GPC5: variants seen among roughly 807,000 people sequenced by gnomAD.
GPC5 encodes glypican-5.
In GPC5, 47 loss-of-function variants were observed where a neutral mutation model predicts 53.9. The ratio of observed to expected loss-of-function variants is 0.87; its 90% CI spans 0.69 to 1.11. The LOEUF (loss-of-function observed/expected upper bound fraction) is 1.11, where lower values mean the gene tolerates loss of function less well. Among genes scored for constraint, GPC5 ranks in the 50% most tolerant of loss-of-function variants. The pLI, the probability that GPC5 is intolerant of heterozygous loss-of-function variation, is 0.00. For synonymous variants in GPC5, 286 were observed against 263.3 expected (o/e 1.09, Z -0.84); for missense variants, 748 against 713.1 (o/e 1.05, Z -0.56).
At chr13:91,733,843 G>A (rs558963223) in intron 4 of GPC5, among the ~76,000 whole-genome samples, 8 of 152,152 alleles carry the variant, frequency 5.3e-5, no homozygotes, top group Admixed American at 1.3e-4. Context: ...TGATTGCCCC[G>A]GCCAGAACTT....
chr13:92,178,562 C>T (rs981602523), intron 7 of GPC5, among the ~76,000 whole-genome samples: 1 of 151,642 alleles, frequency 6.6e-6, no homozygotes. Flanking sequence ...ATGCCAGCTC[C>T]TTAAAATGTG....
intron 7 of GPC5, among the ~76,000 whole-genome samples, chr13:92,389,582 T>C (rs935148430): frequency 4.6e-5 from 7 of 152,174 alleles, no homozygotes; most frequent in African/African-American, 1.7e-4. Context: ...ACAGAAAATG[T>C]GTACCAAAAA....
At chr13:92,573,803 A>G (rs1883108399) in intron 7 of GPC5, among the ~76,000 whole-genome samples, 1 of 152,152 alleles carries the variant, frequency 6.6e-6, no homozygotes, top group Non-Finnish European at 1.5e-5. Flanking sequence ...CCCAATGTGG[A>G]CACTGCATAT....
At chr13:91,595,470 C>A (rs1393684864) in intron 2 of GPC5, among the ~76,000 whole-genome samples, 2 of 151,868 alleles carry the variant, frequency 1.3e-5, no homozygotes, top group African/African-American at 4.8e-5. Context: ...TGCTTTTGTT[C>A]TTTAACTTGT....
chr13:92,489,531 G>A (rs1006154065), intron 7 of GPC5, among the ~76,000 whole-genome samples: 1 of 152,104 alleles, frequency 6.6e-6, no homozygotes, highest in Non-Finnish European at 1.5e-5. Flanking sequence ...TATGGACAGG[G>A]TTACTCGAAA....
At chr13:92,522,097 T>C (rs918873771) in intron 7 of GPC5, among the ~76,000 whole-genome samples, 1 of 152,156 alleles carries the variant, frequency 6.6e-6, no homozygotes, top group African/African-American at 2.4e-5. Context: ...AGAATGGCGA[T>C]CGTTAAAAAG....
intron 7 of GPC5, among the ~76,000 whole-genome samples, chr13:92,798,178 G>A (rs1483726724): frequency 6.6e-6 from 1 of 151,852 alleles, no homozygotes; most frequent in Non-Finnish European, 1.5e-5. Flanking sequence ...TGAGCATCAT[G>A]AGGCCGAAGC....
At chr13:91,847,935 A>G (rs2138884976) in intron 5 of GPC5, among the ~76,000 whole-genome samples, 1 of 152,332 alleles carries the variant, frequency 6.6e-6, no homozygotes, top group African/African-American at 2.4e-5. Flanking sequence ...TGTACTCTCC[A>G]TCACTTTGGA....
chr13:91,899,115 C>T (rs550486095), intron 5 of GPC5, among the ~76,000 whole-genome samples: 36 of 152,142 alleles, frequency 2.4e-4, no homozygotes, highest in Admixed American at 6.5e-4. Context: ...ATAAACTAGC[C>T]CTTCATTGCT....
chr13:91,574,982 G>A (rs2032079824), intron 2 of GPC5, among the ~76,000 whole-genome samples: 1 of 152,170 alleles, frequency 6.6e-6, no homozygotes, highest in Admixed American at 6.5e-5. Context: ...GCCATGGAAT[G>A]TTTTGTAAGA....
intron 7 of GPC5, among the ~76,000 whole-genome samples, chr13:92,358,259 A>T (rs1236950178): frequency 2.0e-5 from 3 of 151,776 alleles, no homozygotes; most frequent in Admixed American, 6.5e-5. Flanking sequence ...CATGTCTCAC[A>T]TCTAGTCCAC....
chr13:92,441,526 T>C (rs1465832638), intron 7 of GPC5, among the ~76,000 whole-genome samples: 1 of 152,170 alleles, frequency 6.6e-6, no homozygotes, highest in Non-Finnish European at 1.5e-5. Flanking sequence ...TTAGTAACAT[T>C]TCTATACACT....
At chr13:91,969,818 C>T (rs914682630) in intron 6 of GPC5, among the ~76,000 whole-genome samples, 3 of 152,070 alleles carry the variant, frequency 2.0e-5, no homozygotes, top group Non-Finnish European at 4.4e-5. Context: ...AATTATATAT[C>T]GCCACATTGG....
intron 7 of GPC5, among the ~76,000 whole-genome samples, chr13:92,369,055 C>T (rs2043629507): frequency 6.6e-6 from 1 of 152,194 alleles, no homozygotes; most frequent in Non-Finnish European, 1.5e-5. Flanking sequence ...GAAATTCGTT[C>T]ACAATAACAA....
Position 91,838,077 on chromosome 13 carries a change from A to G in GPC5, c.1281-69860A>G, listed in dbSNP as rs547969170. On this transcript the variant is annotated intron_variant, in intron 5 of 7. Coordinates refer to ENST00000377067, the MANE Select transcript of GPC5 (RefSeq NM_004466.6). ...GGAGCAGAGAGCCCAATCATCAGGC[A>G]TATTTAAGAGTTGATTGTTGTTTCC... is the stretch of plus-strand genomic sequence containing the variant. 5.3e-5 allele frequency among the ~76,000 whole-genome samples: 8 copies of G among 152,312 alleles called. No individual in the cohort carries two copies. In the East Asian group the frequency reaches 1.2e-3, roughly 22 times the overall value.
At chr13:92,285,303 T>A (rs570861020) in intron 7 of GPC5, among the ~76,000 whole-genome samples, 1 of 152,212 alleles carries the variant, frequency 6.6e-6, no homozygotes, top group East Asian at 1.9e-4. Context: ...AACATGAAAA[T>A]GGCCATACTG....
At chr13:91,673,297 A>C (rs1056614751) in intron 2 of GPC5, among the ~76,000 whole-genome samples, 1 of 152,144 alleles carries the variant, frequency 6.6e-6, no homozygotes, top group Non-Finnish European at 1.5e-5. Context: ...AAAAATAAGA[A>C]TCTGTAACCT....
At chr13:92,393,979 G>A (rs1250175952) in intron 7 of GPC5, among the ~76,000 whole-genome samples, 3 of 152,106 alleles carry the variant, frequency 2.0e-5, no homozygotes, top group South Asian at 4.1e-4. Flanking sequence ...AAAAACGTAT[G>A]TAGTAGAGGC....
At chr13:92,214,774 C>T (rs1222692392) in intron 7 of GPC5, among the ~76,000 whole-genome samples, 5 of 152,156 alleles carry the variant, frequency 3.3e-5, no homozygotes, top group African/African-American at 1.2e-4. Flanking sequence ...ATCAGCTGCC[C>T]TTGAGATTAG....
Sources: gnomAD v4.1 joint callset for allele counts (sites outside exome capture counted in the v4.1 genomes callset) on GRCh38, gnomAD v4.1.1 for gene constraint, MANE v1.5 for transcripts, NCBI Gene and HGNC (gene_info 2026-07-23, HGNC 2026-07-21) for gene names.